FBXL20: variants seen among roughly 807,000 people sequenced by gnomAD.
FBXL20 encodes F-box/LRR-repeat protein 20.
In FBXL20, 11 loss-of-function variants were observed where a neutral mutation model predicts 64.0. The observed-to-expected ratio is 0.17, with a 90% CI of 0.11 to 0.28. The LOEUF (loss-of-function observed/expected upper bound fraction) is 0.28. Ranked by LOEUF, FBXL20 falls within the 10% of genes least tolerant of loss-of-function variation. FBXL20 has a pLI of 1.00. For missense variants in FBXL20, 303 were observed against 526.2 expected (o/e 0.58, Z 4.15); for synonymous variants, 184 against 189.0 (o/e 0.97, Z 0.22).
chr17:39,331,841 G>C (rs544845138), intron 2 of FBXL20, among the ~76,000 whole-genome samples: 1 of 152,276 alleles, frequency 6.6e-6, no homozygotes, highest in East Asian at 1.9e-4. Context: ...GTAATGGTTT[G>C]AATATTTCTA....
chr17:39,342,155 G>A (rs2047588831), intron 2 of FBXL20, among the ~76,000 whole-genome samples: 1 of 152,180 alleles, frequency 6.6e-6, no homozygotes, highest in East Asian at 1.9e-4. Context: ...GGAATTTTGA[G>A]TTTCATGGTG....
chr17:39,343,081 A>G, intron 2 of FBXL20, 99 bp downstream of exon 2: 1 of 702,506 alleles, frequency 1.4e-6, no homozygotes, highest in South Asian at 2.3e-5. Flanking sequence ...AGATACAGAT[A>G]CTATACATAT....
At chr17:39,338,199 GTTC>G (rs1328722030) in intron 2 of FBXL20, among the ~76,000 whole-genome samples, 2 of 150,262 alleles carry the variant, frequency 1.3e-5, no homozygotes, top group African/African-American at 4.9e-5. Flanking sequence ...ACTAAGAAAA[GTTC>G]TTCTGCCTTG....
At chr17:39,328,264 A>C (rs1463039507) in intron 2 of FBXL20, among the ~76,000 whole-genome samples, 38 of 116,052 alleles carry the variant, frequency 3.3e-4, no homozygotes, top group Non-Finnish European at 6.2e-4. Flanking sequence ...AAAAAAAAAA[A>C]AAAAAAAAAA....
chr17:39,329,208 C>T (rs932641351), intron 2 of FBXL20, among the ~76,000 whole-genome samples: 2 of 152,140 alleles, frequency 1.3e-5, no homozygotes, highest in African/African-American at 2.4e-5. Flanking sequence ...AAACAGACAT[C>T]CTATGCCTAT....
intron 1 of FBXL20, among the ~76,000 whole-genome samples, chr17:39,372,662 C>T (rs961756896): frequency 6.9e-6 from 1 of 144,952 alleles, no homozygotes; most frequent in African/African-American, 2.6e-5. Flanking sequence ...GTTGCCCAGG[C>T]TGTAGTGCAA....
chr17:39,278,546 G>T (rs1007194411), intron 9 of FBXL20, among the ~76,000 whole-genome samples: 1 of 121,092 alleles, frequency 8.3e-6, no homozygotes, highest in African/African-American at 2.8e-5. Flanking sequence ...AAACATTCCA[G>T]TCTTTTTTTT....
intron 3 of FBXL20, among the ~76,000 whole-genome samples, chr17:39,302,614 C>T (rs2047147613): frequency 6.6e-6 from 1 of 152,144 alleles, no homozygotes; most frequent in African/African-American, 2.4e-5. Flanking sequence ...ACCTCATGAT[C>T]TGCCCGCCTG....
intron 1 of FBXL20, among the ~76,000 whole-genome samples, chr17:39,344,665 T>G (rs1055265320): frequency 1.3e-5 from 2 of 152,064 alleles, no homozygotes; most frequent in African/African-American, 4.8e-5. Context: ...GGCACACACC[T>G]GTAGTACCAG....
At chr17:39,270,918 T>C in intron 10 of FBXL20, 62 bp from the exon 11 acceptor site, 2 of 1,336,132 alleles carry the variant, frequency 1.5e-6, no homozygotes, top group Middle Eastern at 1.9e-4. Flanking sequence ...ACTGAGTTTA[T>C]TAAAACAGTA....
chr17:39,270,531 G>A (rs574674086), intron 11 of FBXL20, among the ~76,000 whole-genome samples: 15 of 152,138 alleles, frequency 9.9e-5, no homozygotes, highest in African/African-American at 3.4e-4. Context: ...GTGACAGAGC[G>A]AGACCCCATC....
intron 1 of FBXL20, among the ~76,000 whole-genome samples, chr17:39,392,265 C>G (rs2048141311): frequency 6.6e-6 from 1 of 151,420 alleles, no homozygotes; most frequent in Non-Finnish European, 1.5e-5. Context: ...CATGGTGAAA[C>G]CCCATATCTA....
intron 1 of FBXL20, among the ~76,000 whole-genome samples, chr17:39,353,413 T>C (rs187610598): frequency 2.0e-5 from 3 of 152,136 alleles, no homozygotes; most frequent in Non-Finnish European, 4.4e-5. Flanking sequence ...ACTGTTATAA[T>C]TGTTCTATTT....
rs537478802 is a variant in FBXL20, at chr17:39,275,534, C to T, written c.697-434G>A. Among the ~76,000 whole-genome samples, 53 of 152,082 alleles carry T rather than the reference C, an allele frequency of 3.5e-4. 1 individual carries two copies. In the East Asian group the frequency reaches 9.1e-3, roughly 26 times the overall value. ...TCAAGCGATTCTCGTGCCTCAGCCT[C>T]CTGACTAGCTGGGACTACAAGTGCA... On this transcript the variant is annotated intron_variant, in intron 9 of 14. Transcript: ENST00000264658.
intron 2 of FBXL20, among the ~76,000 whole-genome samples, chr17:39,312,252 T>C (rs1162191535): frequency 6.6e-6 from 1 of 151,602 alleles, no homozygotes; most frequent in Non-Finnish European, 1.5e-5. Context: ...CCATCTCTAC[T>C]AAACATACAA....
At chr17:39,356,521 A>G (rs187167407) in intron 1 of FBXL20, among the ~76,000 whole-genome samples, 5 of 151,988 alleles carry the variant, frequency 3.3e-5, no homozygotes. Context: ...ACGCTCAGCT[A>G]TTTTTTCTAT....
intron 9 of FBXL20, among the ~76,000 whole-genome samples, chr17:39,280,739 T>C (rs571298235): frequency 4.6e-5 from 7 of 152,086 alleles, no homozygotes; most frequent in Non-Finnish European, 1.0e-4. Context: ...TACTTGAAAA[T>C]AATTTGACGA....
chr17:39,334,555 T>C (rs930635884), intron 2 of FBXL20, among the ~76,000 whole-genome samples: 19 of 152,276 alleles, frequency 1.2e-4, no homozygotes, highest in African/African-American at 4.6e-4. Flanking sequence ...GTTCACCTCT[T>C]ACCCACTTAC....
At chr17:39,309,543 TTGCCCAGGCTGGAG>T (rs1430635336) in intron 2 of FBXL20, among the ~76,000 whole-genome samples, 3 of 152,036 alleles carry the variant, frequency 2.0e-5, no homozygotes, top group Non-Finnish European at 4.4e-5. Flanking sequence ...TTTTGCTCTG[TTGCCCAGGCTGGAG>T]TGCAATGGTG....
Sources: gnomAD v4.1 joint callset for allele counts (sites outside exome capture counted in the v4.1 genomes callset) on GRCh38, gnomAD v4.1.1 for gene constraint, MANE v1.5 for transcripts, NCBI Gene and HGNC (gene_info 2026-07-23, HGNC 2026-07-21) for gene names.